The following LYPD1 variants were observed in gnomAD, a reference collection of about 807,000 sequenced individuals.
The protein encoded by LYPD1 is LY6/PLAUR domain containing 1, also known as ly6/PLAUR domain-containing protein 1.
Under a neutral mutation model 14.2 loss-of-function variants are expected in LYPD1, and 14 were observed. That is an observed-to-expected ratio of 0.99 (90% CI 0.65 to 1.54). The LOEUF is 1.54. LYPD1 is among the 40% of genes most tolerant of loss of function. LYPD1 has a pLI of 0.00. For missense variants in LYPD1, 165 were observed against 175.7 expected, an observed-to-expected ratio of 0.94 and a Z score of 0.34; for synonymous variants, 85 against 70.6, an observed-to-expected ratio of 1.20 and a Z score of -1.02.
At position 132,661,722 on chromosome 2, in the gene LYPD1, A is replaced by AG. The variant is rs530649116; in HGVS notation, c.190+6677dup. 1.2e-4 allele frequency among the ~76,000 whole-genome samples: 18 copies of AG among 152,300 alleles called. No homozygotes were observed. In the East Asian group the frequency reaches 3.3e-3, roughly 28 times the overall value. ...AGCAGAAAGCAGATTAGTGGTTCCCAGGGGCTGGGAAAAGGGGAAAATGAG... is the reference window on the plus strand; with the variant it reads ...AGCAGAAAGCAGATTAGTGGTTCCCAGGGGGCTGGGAAAAGGGGAAAATGAG... On this transcript the variant is annotated intron_variant, in intron 2 of 2. Coordinates refer to ENST00000397463, the MANE Select transcript of LYPD1 (RefSeq NM_144586.7).
intron 2 of LYPD1, among the ~76,000 whole-genome samples, chr2:132,656,677 A>C (rs1682614725): frequency 6.6e-6 from 1 of 152,206 alleles, no homozygotes. Flanking sequence ...GAAGATCAAG[A>C]AAGTAGTTCT....
chr2:132,669,855 G>A lies in LYPD1; in HGVS notation c.52+26C>T. Reference sequence around the variant, plus strand: ...AGATGGATTGTGCGCACCTGGCCTCGGCTGCTGGCCTCTGGGTATTCTCAC... The same window carrying A: ...AGATGGATTGTGCGCACCTGGCCTCAGCTGCTGGCCTCTGGGTATTCTCAC... On this transcript the variant is annotated intron_variant, in intron 1 of 2. Coordinates refer to ENST00000397463, the MANE Select transcript of LYPD1 (RefSeq NM_144586.7). The surrounding 1 kb of genome is among the most constrained non-coding windows in gnomAD (Gnocchi z 4.3). The A allele has an allele frequency of 6.2e-7, 1 of 1,611,444 alleles. No homozygotes were observed. Among genetic ancestry groups the A allele is most frequent in the Non-Finnish European group, 8.5e-7 (1 of 1,178,844 alleles).
At chr2:132,653,401 C>A (rs1262549781) in intron 2 of LYPD1, among the ~76,000 whole-genome samples, 1 of 152,174 alleles carries the variant, frequency 6.6e-6, no homozygotes, top group Non-Finnish European at 1.5e-5. Flanking sequence ...ATTATAACCC[C>A]ATCCAATCAG....
intron 2 of LYPD1, among the ~76,000 whole-genome samples, chr2:132,657,911 G>A (rs1682694985): frequency 1.3e-5 from 2 of 152,086 alleles, no homozygotes; most frequent in Non-Finnish European, 2.9e-5. Flanking sequence ...CTTGTGCATG[G>A]ACTTCTCAAA....
intron 2 of LYPD1, among the ~76,000 whole-genome samples, chr2:132,646,767 G>A (rs891543849): frequency 4.6e-5 from 7 of 152,174 alleles, no homozygotes; most frequent in Admixed American, 2.6e-4. Flanking sequence ...ACCAAATCCC[G>A]AAGGGAAATA....
chr2:132,652,009 C>G (rs1682378813), intron 2 of LYPD1, among the ~76,000 whole-genome samples: 1 of 152,200 alleles, frequency 6.6e-6, no homozygotes, highest in African/African-American at 2.4e-5. Context: ...TGGGTTCTAG[C>G]TGGACATGGG....
rs765352030 is a variant in LYPD1 at position 132,645,616 on chromosome 2, G to A, written c.*429C>T. ...GGAGCATGAAGTTTGAATGTCAAGC[G>A]AGGGAGCCTTGAGTGGGAACTGGCC... On this transcript the variant is annotated 3_prime_UTR_variant, in exon 3 of 3. Transcript: ENST00000397463. 3.1e-6 allele frequency: 5 copies of A among 1,604,306 alleles called. No individual in the cohort carries two copies. In the Admixed American group the frequency reaches 5.1e-5, roughly 16 times the overall value.
chr2:132,670,215 C>G, upstream of LYPD1: 2 of 949,676 alleles, frequency 2.1e-6, no homozygotes, highest in Non-Finnish European at 2.8e-6. This position sits in a 1 kb window ranked among gnomAD's most constrained non-coding sequence, Gnocchi z 4.5. Flanking sequence ...GAACTACTGG[C>G]GATCGGGAGC....
chr2:132,646,386 G>A, intron 2 of LYPD1, 106 bp from the exon 3 acceptor site: 3 of 655,148 alleles, frequency 4.6e-6, no homozygotes, highest in Admixed American at 4.2e-5. Context: ...TCCTCCCACA[G>A]CCCAGAGACT....
chr2:132,661,057 A>G (rs1432004618), intron 2 of LYPD1, among the ~76,000 whole-genome samples: 1 of 152,184 alleles, frequency 6.6e-6, no homozygotes, highest in Non-Finnish European at 1.5e-5. Flanking sequence ...CTCCTCTGTA[A>G]AGTGAAAGTG....
intron 2 of LYPD1, among the ~76,000 whole-genome samples, chr2:132,650,386 A>G (rs1051838549): frequency 3.3e-5 from 5 of 152,240 alleles, no homozygotes; most frequent in Admixed American, 3.3e-4. Flanking sequence ...TATAATTTCC[A>G]TGAAGGCAAC....
intron 2 of LYPD1, among the ~76,000 whole-genome samples, chr2:132,667,616 GT>G (rs1490902267): frequency 2.0e-5 from 3 of 152,136 alleles, no homozygotes; most frequent in Non-Finnish European, 4.4e-5. Flanking sequence ...TGTGTTTATG[GT>G]TTTGACCTTG....
intron 2 of LYPD1, among the ~76,000 whole-genome samples, chr2:132,657,877 G>A (rs1682693314): frequency 1.3e-5 from 2 of 152,142 alleles, no homozygotes; most frequent in African/African-American, 4.8e-5. Context: ...GGTCCCTGGA[G>A]GTACTTTGTT....
At chr2:132,670,324 C>G (rs1293417420), upstream of LYPD1, 2 of 270,264 alleles carry the variant, frequency 7.4e-6, no homozygotes, top group African/African-American at 4.7e-5. This position sits in a 1 kb window ranked among gnomAD's most constrained non-coding sequence, Gnocchi z 4.5. Context: ...AAGGCTGGGA[C>G]GGTCGCTTCA....
chr2:132,648,398 G>T (rs60981588), intron 2 of LYPD1, among the ~76,000 whole-genome samples: 1 of 152,226 alleles, frequency 6.6e-6, no homozygotes, highest in African/African-American at 2.4e-5. Context: ...GCTGTCATCA[G>T]TGTGGCATGC....
In LYPD1 at chr2:132,643,668, T is replaced by C. The variant is rs1251461228; in HGVS notation, c.*2377A>G. 6.6e-6 allele frequency among the ~76,000 whole-genome samples: 1 copy of C among 152,020 alleles called. No homozygotes were observed. The highest frequency in any genetic ancestry group is 6.5e-5 in the Admixed American group (1 of 15,276). On this transcript the variant is annotated 3_prime_UTR_variant, in exon 3 of 3. Coordinates refer to ENST00000397463, the MANE Select transcript of LYPD1 (RefSeq NM_144586.7). Reference sequence around the variant, plus strand: ...GTATCTGAGACCACAGGTGTGTATGTACCACCATGCCTGGCTAAGTTTTTC... The same window carrying C: ...GTATCTGAGACCACAGGTGTGTATGCACCACCATGCCTGGCTAAGTTTTTC...
intron 2 of LYPD1, chr2:132,666,688 G>A (rs1299487120): frequency 6.6e-6 from 1 of 152,192 alleles, no homozygotes; most frequent in Non-Finnish European, 1.5e-5. Context: ...TTTGAGGACA[G>A]AATGAAGCAA....
intron 2 of LYPD1, among the ~76,000 whole-genome samples, chr2:132,649,785 C>T (rs1682280834): frequency 6.6e-6 from 1 of 152,128 alleles, no homozygotes; most frequent in Admixed American, 6.5e-5. Flanking sequence ...CCACCATTCA[C>T]ATGCTTAGGA....
chr2:132,646,440 A>AAGAT (rs1177198040), intron 2 of LYPD1, 160 bp from the exon 3 acceptor site: 58 of 421,012 alleles, frequency 1.4e-4, no homozygotes, highest in Admixed American at 3.1e-4. Flanking sequence ...ATTGATATTC[A>AAGAT]AGATAGATGG....
Sources: gnomAD v4.1 joint callset for allele counts (sites outside exome capture counted in the v4.1 genomes callset) on GRCh38, gnomAD v4.1.1 for gene constraint, Gnocchi (gnomAD v3.1) non-coding constraint, MANE v1.5 for transcripts, NCBI Gene and HGNC (gene_info 2026-07-23, HGNC 2026-07-21) for gene names.